Variants in LARGE1 observed in about 807,000 individuals in gnomAD.
LARGE1 encodes the protein LARGE xylosyl- and glucuronyltransferase 1.
LARGE1 carries 43 observed loss-of-function variants against 87.6 expected under a neutral mutation model. The ratio of observed to expected loss-of-function variants is 0.49; its 90% confidence interval spans 0.38 to 0.63. The LOEUF is 0.63. LARGE1 is among the 30% of genes least tolerant of loss of function. LARGE1 has a pLI of 0.00. For synonymous variants in LARGE1, 434 were observed against 394.6 expected, an observed-to-expected ratio of 1.10 and a Z score of -1.18; for missense variants, 802 against 1,000.2, an observed-to-expected ratio of 0.80 and a Z score of 2.67.
intron 14 of LARGE1, among the ~76,000 whole-genome samples, chr22:33,275,025 TTAAC>T (rs1361190216): frequency 1.7e-4 from 26 of 152,324 alleles, no homozygotes; most frequent in Admixed American, 1.2e-3. Context: ...TCTTGCTCGA[TTAAC>T]TGACATCTGT....
At chr22:33,666,063 A>C (rs1040771063) in intron 2 of LARGE1, among the ~76,000 whole-genome samples, 2 of 152,208 alleles carry the variant, frequency 1.3e-5, no homozygotes, top group Non-Finnish European at 2.9e-5. Flanking sequence ...CTTTCCAGGA[A>C]ATAAAGGTTG....
At position 33,384,175 on chromosome 22, in the gene LARGE1, C is replaced by A; in HGVS notation, c.1005+17G>T. 6.3e-7 allele frequency: 1 copy of A among 1,576,674 alleles called. No individual in the cohort carries two copies. The highest frequency in any genetic ancestry group is 1.1e-5 in the South Asian group (1 of 90,362). Reference sequence around the variant, plus strand: ...GCACACTCAGGAATAGCTGCACCTTCGAACCTGGCCACTCACCTGGTCAGC... The same window carrying A: ...GCACACTCAGGAATAGCTGCACCTTAGAACCTGGCCACTCACCTGGTCAGC... On this transcript the variant is annotated intron_variant, in intron 8 of 14. Transcript: ENST00000397394.
rs1048156374 is a variant in LARGE1, at chr22:33,828,272, G to A, written c.-82-66714C>T. 2.0e-5 allele frequency among the ~76,000 whole-genome samples: 3 copies of A among 152,246 alleles called. No individual in the cohort carries two copies. In the East Asian group the frequency reaches 5.8e-4, roughly 29 times the overall value. On this transcript the variant is annotated intron_variant, in intron 1 of 14. Transcript: ENST00000397394. ...GTGACCTGCCTTTGAAGGGCAGGAA[G>A]AGAGACGCTGACACAGGTGATTGGA...
At chr22:33,503,963 T>C (rs2070635867) in intron 6 of LARGE1, among the ~76,000 whole-genome samples, 1 of 152,202 alleles carries the variant, frequency 6.6e-6, no homozygotes, top group African/African-American at 2.4e-5. Flanking sequence ...ATTCCATACA[T>C]GGTATGATGT....
Position 33,785,956 on chromosome 22 carries a change from A to T in LARGE1, c.-82-24398T>A, listed in dbSNP as rs1203254275. On this transcript the variant is annotated intron_variant, in intron 1 of 14. Coordinates refer to ENST00000397394, the MANE Select transcript of LARGE1 (RefSeq NM_133642.5). Reference sequence around the variant, plus strand: ...AACCAGGGCAGGGTGGTAAAAAAATAAAAAGGAGAAGAGGCAGGACTGTTT... The same window carrying T: ...AACCAGGGCAGGGTGGTAAAAAAATTAAAAGGAGAAGAGGCAGGACTGTTT... Among the ~76,000 whole-genome samples the T allele has an allele frequency of 2.0e-5, 3 of 152,368 alleles. No individual in the cohort carries two copies. In the South Asian group the frequency reaches 6.2e-4, roughly 32 times the overall value.
chr22:33,582,410 A>C (rs1218501166), intron 5 of LARGE1, among the ~76,000 whole-genome samples: 4 of 152,210 alleles, frequency 2.6e-5, no homozygotes, highest in Non-Finnish European at 4.4e-5. Context: ...AGAGGAAAAA[A>C]AAAAAGATGA....
At chr22:33,449,078 T>C (rs1162167900) in intron 6 of LARGE1, among the ~76,000 whole-genome samples, 1 of 152,232 alleles carries the variant, frequency 6.6e-6, no homozygotes, top group Non-Finnish European at 1.5e-5. Flanking sequence ...TTATGTGTAT[T>C]AATACTGCCT....
At position 33,780,660 on chromosome 22, in the gene LARGE1, C is replaced by T. The variant is rs116884922; in HGVS notation, c.-82-19102G>A. On this transcript the variant is annotated intron_variant, in intron 1 of 14. Transcript: ENST00000397394. ...GGGTTCAATAACTGATCTCTAACAT[C>T]TAACACACAACATCTGCTTATCCAT... Among the ~76,000 whole-genome samples the T allele has an allele frequency of 7.1e-3, 1,086 of 152,338 alleles. 9 individuals carry two copies. The highest frequency in any genetic ancestry group is 0.022 in the South Asian group (108 of 4,828).
At chr22:33,188,832 T>C (rs996441284) in intron 11 of LARGE1, among the ~76,000 whole-genome samples, 1 of 152,130 alleles carries the variant, frequency 6.6e-6, no homozygotes, top group Non-Finnish European at 1.5e-5. Context: ...CTGCTTTGAG[T>C]TTCTTGACTT....
intron 11 of LARGE1, among the ~76,000 whole-genome samples, chr22:33,183,606 A>ACACACACACGCACG (rs1421999086): frequency 1.1e-4 from 10 of 87,834 alleles, no homozygotes; most frequent in African/African-American, 4.1e-4. Flanking sequence ...GATAAAACAC[A>ACACACACACGCACG]CACACACACA....
chr22:33,425,266 A>C (rs979640304), intron 7 of LARGE1, among the ~76,000 whole-genome samples: 2 of 152,192 alleles, frequency 1.3e-5, no homozygotes, highest in Non-Finnish European at 2.9e-5. Flanking sequence ...TGTCTCAAAA[A>C]AACAAAAACA....
rs529235842 is a variant in LARGE1 at position 33,410,428 on chromosome 22, G to A, written c.892+21733C>T. On this transcript the variant is annotated intron_variant, in intron 7 of 14. Transcript: ENST00000397394. ...TGGGAGGTGACTGAATCATGGGGGC[G>A]GGGGGCGGTTTCCTCCATGCTGTTC... Among the ~76,000 whole-genome samples the A allele has an allele frequency of 1.3e-4, 19 of 151,974 alleles. 1 individual carries two copies. In the South Asian group the frequency reaches 1.7e-3, roughly 13 times the overall value.
intron 6 of LARGE1, among the ~76,000 whole-genome samples, chr22:33,481,220 TACACACAC>T (rs71785834): frequency 2.0e-5 from 3 of 146,620 alleles, no homozygotes; most frequent in East Asian, 2.0e-4. Context: ...GCACTATAGA[TACACACAC>T]ACACACACAC....
intron 1 of LARGE1, among the ~76,000 whole-genome samples, chr22:33,866,002 C>T (rs1216904470): frequency 6.6e-6 from 1 of 151,630 alleles, no homozygotes; most frequent in Non-Finnish European, 1.5e-5. Flanking sequence ...ATGCACACCA[C>T]CATGCCCAGC....
intron 2 of LARGE1, among the ~76,000 whole-genome samples, chr22:33,741,784 G>A (rs2083891995): frequency 6.6e-6 from 1 of 152,208 alleles, no homozygotes; most frequent in African/African-American, 2.4e-5. Flanking sequence ...GCTCTGTCCT[G>A]CAATCACCTT....
At chr22:33,255,371 A>G (rs961397721) in intron 11 of LARGE1, among the ~76,000 whole-genome samples, 3 of 152,232 alleles carry the variant, frequency 2.0e-5, no homozygotes, top group African/African-American at 7.2e-5. Flanking sequence ...ACAGCAGGAA[A>G]AATGGAACAA....
intron 7 of LARGE1, among the ~76,000 whole-genome samples, chr22:33,388,556 A>G (rs1279820566): frequency 6.6e-6 from 1 of 152,000 alleles, no homozygotes; most frequent in East Asian, 1.9e-4. Context: ...CACCAATCTC[A>G]TGGGCTTTTT....
chr22:33,769,472 C>T (rs756385987), intron 1 of LARGE1, among the ~76,000 whole-genome samples: 9 of 152,176 alleles, frequency 5.9e-5, no homozygotes, highest in Non-Finnish European at 1.2e-4. Flanking sequence ...AGCATATAGA[C>T]AAGAAGCTAA....
intron 11 of LARGE1, among the ~76,000 whole-genome samples, chr22:33,212,203 T>C (rs913136974): frequency 6.6e-6 from 1 of 151,620 alleles, no homozygotes; most frequent in African/African-American, 2.4e-5. Context: ...GAGAAGTCAA[T>C]GCCTGGCTTC....
Sources: allele counts gnomAD v4.1 joint callset (sites outside exome capture counted in the v4.1 genomes callset), GRCh38; gene constraint gnomAD v4.1.1; transcripts MANE v1.5; gene names NCBI Gene and HGNC (gene_info 2026-07-23, HGNC 2026-07-21).